ENGASE: variants seen among roughly 807,000 people sequenced by gnomAD.
ENGASE encodes the protein endo-beta-N-acetylglucosaminidase.
ENGASE carries 69 observed loss-of-function variants against 78.5 expected under a neutral mutation model. The observed-to-expected ratio is 0.88, with a 90% CI of 0.72 to 1.07. The LOEUF is 1.07. Ranked by LOEUF, ENGASE falls within the 50% of genes least tolerant of loss-of-function variation. The pLI, the probability that ENGASE is intolerant of heterozygous loss-of-function variation, is 0.00. For missense variants in ENGASE, 943 were observed against 988.4 expected (o/e 0.95, Z 0.62); for synonymous variants, 408 against 408.9 (o/e 1.00, Z 0.03).
intron 4 of ENGASE, 70 bp from the exon 5 acceptor site, chr17:79,080,137 C>T (rs2073088467): frequency 5.3e-6 from 8 of 1,517,360 alleles, no homozygotes; most frequent in South Asian, 2.6e-5. Flanking sequence ...TCGAGAACCT[C>T]GCTTTGAAAA....
At chr17:79,085,815 C>T in intron 13 of ENGASE, 81 bp downstream of exon 13, 4 of 1,600,276 alleles carry the variant, frequency 2.5e-6, no homozygotes, top group Non-Finnish European at 3.4e-6. Flanking sequence ...CAGGCCGCCC[C>T]CTTCTTGGGT....
chr17:79,081,783 G>A (rs1599341144), intron 6 of ENGASE, 115 bp from the exon 7 acceptor site: 1 of 1,352,662 alleles, frequency 7.4e-7, no homozygotes, highest in Non-Finnish European at 9.9e-7. Context: ...GGGTGGGGTG[G>A]GGTGGGCCCA....
chr17:79,083,228 G>A lies in ENGASE; in HGVS notation c.1142+105G>A. ...TGCTCTTTAGTGACCCTTCCTATGG[G>A]GGGGTGGTTAAGGGAGGATGACAGG... On this transcript the variant is annotated intron_variant, in intron 8 of 13. Transcript: ENST00000579016. The surrounding 1 kb of genome is among the most constrained non-coding windows in gnomAD (Gnocchi z 4.9). 5 of 923,054 alleles carry A rather than the reference G, an allele frequency of 5.4e-6. No individual in the cohort carries two copies. The highest frequency in any genetic ancestry group is 8.4e-6 in the Non-Finnish European group (5 of 598,784). 57.2% of individuals were successfully genotyped at this position (923,054 alleles called of 1,614,324 possible).
chr17:79,086,466 C>T lies in ENGASE; in HGVS notation c.*117C>T, dbSNP rs139833180. On this transcript the variant is annotated 3_prime_UTR_variant, in exon 14 of 14. Transcript: ENST00000579016. Reference sequence around the variant, plus strand: ...CACAGTGGCAGCGAGGTCCCGGTCCCGGGGCTGGGGTGGGAGACCCCGGGC... The same window carrying T: ...CACAGTGGCAGCGAGGTCCCGGTCCTGGGGCTGGGGTGGGAGACCCCGGGC... 4,079 of 1,320,590 alleles carry T rather than the reference C, an allele frequency of 3.1e-3. 11 individuals are homozygous for T. Among genetic ancestry groups the T allele is most frequent in the Non-Finnish European group, 3.5e-3 (3,443 of 991,306 alleles). The allele number at this position is 1,320,590 out of a possible 1,614,324, so 81.8% of individuals were successfully genotyped here.
rs759023449 is a variant in ENGASE at position 79,083,433 on chromosome 17, GCTCC to G, written c.1143-42_1143-39del. The G allele has an allele frequency of 2.8e-5, 40 of 1,437,784 alleles. No homozygotes were observed. Among genetic ancestry groups the G allele is most frequent in the Admixed American group, 7.0e-5 (4 of 57,180 alleles). 89.1% of individuals were successfully genotyped at this position (1,437,784 alleles called of 1,614,324 possible). On this transcript the variant is annotated intron_variant, in intron 8 of 13. Coordinates refer to ENST00000579016, the MANE Select transcript of ENGASE (RefSeq NM_001042573.3). This position sits in a 1 kb window ranked among gnomAD's most constrained non-coding sequence, Gnocchi z 4.9. ...CAGCAAGTTTGAGGGACACTGAGAG[GCTCC>G]CTCCCTTCCTCCGGACCGAGCTGTT...
intron 5 of ENGASE, 36 bp from the exon 6 acceptor site, chr17:79,080,889 G>A (rs374580811): frequency 2.5e-6 from 4 of 1,588,780 alleles, no homozygotes; most frequent in Non-Finnish European, 3.4e-6. Context: ...TAGATCTGGG[G>A]CTCACTGAGG....
Position 79,085,734 on chromosome 17 carries a change from G to T in ENGASE, c.1815G>T (p.Gln605His), listed in dbSNP as rs779722923. 9 of 1,613,266 alleles carry T rather than the reference G, an allele frequency of 5.6e-6. No homozygotes were observed. The African/African-American group carries it at 9.3e-5, about 17-fold the overall frequency. Residue 605 changes from glutamine (Q) to histidine (H), a missense_variant and splice_region_variant, in exon 13 of 14, where the codon CAG becomes CAT. Physicochemically the swap from Gln to His is conservative, Grantham distance 24. Coordinates refer to ENST00000579016, the MANE Select transcript of ENGASE (RefSeq NM_001042573.3). ...ESFTCRLGEI[Q>H]VVDAASLLAP... ...TCACCTGTCGGCTTGGAGAGATCCA[G>T]GTGATGCTTCCCAGAGGGGCTCGGG...
chr17:79,083,778 C>G lies in ENGASE; in HGVS notation c.1269C>G (p.Pro423=), dbSNP rs777994191. The part of the protein sequence containing the change: ...VCYGQEEAVG[P]WYHLSAQEIQ... ...TTCTTCAGGAAGAGGCGGTAGGGCC[C>G]TGGTACCACCTGAGCGCCCAGGAGA... The change falls in exon 10 of 14, where the codon CCC becomes CCG. Residue 423 remains proline, a synonymous_variant. Coordinates refer to ENST00000579016, the MANE Select transcript of ENGASE (RefSeq NM_001042573.3). The surrounding 1 kb of genome is among the most constrained non-coding windows in gnomAD (Gnocchi z 4.9). The G allele has an allele frequency of 6.8e-6, 11 of 1,610,592 alleles. No individual in the cohort carries two copies. The highest frequency in any genetic ancestry group is 2.7e-5 in the African/African-American group (2 of 74,772).
In ENGASE at chr17:79,078,867, G is replaced by A. The variant is rs75560753; in HGVS notation, c.417-622G>A. On this transcript the variant is annotated intron_variant, in intron 3 of 13. Transcript: ENST00000579016. ...CCAAATAGAGTGGGAAGCCAGAGAC[G>A]GGACTTTGACACGAGACTTCCTGCT... Among the ~76,000 whole-genome samples, 1,215 of 152,302 alleles carry A rather than the reference G, an allele frequency of 8.0e-3. 20 individuals are homozygous for A. Among genetic ancestry groups the A allele is most frequent in the African/African-American group, 0.027 (1,115 of 41,566 alleles).
chr17:79,075,126 G>C, intron 1 of ENGASE, 36 bp downstream of exon 1: 1 of 1,202,758 alleles, frequency 8.3e-7, no homozygotes, highest in Admixed American at 4.4e-5. Flanking sequence ...CCCGATCCGC[G>C]GGGCTGAGAG....
At chr17:79,082,838 G>A (rs2073183048) in intron 7 of ENGASE, 182 bp from the exon 8 acceptor site, 2 of 1,537,284 alleles carry the variant, frequency 1.3e-6, no homozygotes, top group African/African-American at 2.7e-5. Flanking sequence ...TCTTCTGGCG[G>A]GCTTGTGGAA....
In ENGASE at chr17:79,086,955, C is replaced by T. The variant is rs756889979; in HGVS notation, c.*606C>T. On this transcript the variant is annotated 3_prime_UTR_variant, in exon 14 of 14. Coordinates refer to ENST00000579016, the MANE Select transcript of ENGASE (RefSeq NM_001042573.3). ...AGCCGGCGCTGGCTTCGTGCCTCCACGTGGGCCAGCCCCAGCTGCTCCGTG... is the reference window on the plus strand; with the variant it reads ...AGCCGGCGCTGGCTTCGTGCCTCCATGTGGGCCAGCCCCAGCTGCTCCGTG... The T allele has an allele frequency of 2.2e-5, 11 of 492,348 alleles. No individual in the cohort carries two copies. The highest frequency in any genetic ancestry group is 3.2e-5 in the Non-Finnish European group (8 of 247,350). The allele number at this position is 492,348 out of a possible 1,614,324, so 30.5% of individuals were successfully genotyped here. A position where few individuals can be genotyped will look rare whatever the true frequency, so the allele number is the denominator to read the frequency against.
chr17:79,084,047 A>C, intron 10 of ENGASE, 96 bp downstream of exon 10: 1 of 1,039,180 alleles, frequency 9.6e-7, no homozygotes, highest in Non-Finnish European at 1.4e-6. Context: ...GGCCAGAACA[A>C]GGACAGAGGA....
chr17:79,082,108 C>T lies in ENGASE; in HGVS notation c.1038+45C>T, dbSNP rs767751473. The T allele has an allele frequency of 7.4e-6, 12 of 1,613,864 alleles. No homozygotes were observed. In the South Asian group the frequency reaches 1.3e-4, roughly 18 times the overall value. On this transcript the variant is annotated intron_variant, in intron 7 of 13. Transcript: ENST00000579016. ...CAAGGGCCAGCGGCCCAGTGCCTCC[C>T]CTGGGACCTCATTTCCTCATGGACC...
chr17:79,082,355 T>C (rs2073167030), intron 7 of ENGASE: 1 of 1,311,558 alleles, frequency 7.6e-7, no homozygotes, highest in African/African-American at 1.5e-5. Context: ...GGCCTGGGCC[T>C]CCTGTCCCAG....
At chr17:79,084,334 CAG>C in intron 10 of ENGASE, 2 of 522,930 alleles carry the variant, frequency 3.8e-6, no homozygotes, top group Non-Finnish European at 6.7e-6. Context: ...TACGGTATTT[CAG>C]AACTGAGATG....
intron 7 of ENGASE, chr17:79,082,270 C>T (rs1426940886): frequency 1.5e-5 from 22 of 1,515,388 alleles, no homozygotes; most frequent in East Asian, 2.5e-5. Flanking sequence ...GCTATTTCTA[C>T]AATCAGATAA....
intron 1 of ENGASE, among the ~76,000 whole-genome samples, chr17:79,076,490 G>A (rs28514907): frequency 6.6e-6 from 1 of 152,228 alleles, no homozygotes; most frequent in African/African-American, 2.4e-5. Context: ...CTTGAACCCA[G>A]GAACTGGAGG....
At position 79,082,322 on chromosome 17, in the gene ENGASE, C is replaced by A; in HGVS notation, c.1038+259C>A. ...TGTTACCAGACAGAGGCGCGTCGTT[C>A]CCCCGCTGTCCGGTCCTCGGCGGGC... On this transcript the variant is annotated intron_variant, in intron 7 of 13. Transcript: ENST00000579016. 15 of 1,360,228 alleles carry A rather than the reference C, an allele frequency of 1.1e-5. No homozygotes were observed. The Middle Eastern group carries it at 5.9e-4, about 53-fold the overall frequency. The allele number at this position is 1,360,228 out of a possible 1,614,324, so 84.3% of individuals were successfully genotyped here. A position where few individuals can be genotyped will look rare whatever the true frequency, so the allele number is the denominator to read the frequency against.
Sources: allele counts gnomAD v4.1 joint callset (sites outside exome capture counted in the v4.1 genomes callset), GRCh38; gene constraint gnomAD v4.1.1; non-coding constraint Gnocchi (gnomAD v3.1); transcripts MANE v1.5; gene names NCBI Gene and HGNC (gene_info 2026-07-23, HGNC 2026-07-21).